The following CLNK variants were observed in gnomAD, a reference collection of about 807,000 sequenced individuals.
The protein encoded by CLNK is cytokine dependent hematopoietic cell linker.
A neutral mutation model predicts 68.6 loss-of-function variants in CLNK; 74 were observed. The observed-to-expected ratio is 1.08, with a 90% confidence interval of 0.89 to 1.31. CLNK has a LOEUF of 1.31. Among genes scored for constraint, CLNK ranks in the 50% most tolerant of loss-of-function variants. The pLI, the probability that CLNK is intolerant of heterozygous loss-of-function variation, is 0.00. For missense variants in CLNK, 553 were observed against 515.3 expected (o/e 1.07, Z -0.71); for synonymous variants, 198 against 172.2 (o/e 1.15, Z -1.17).
chr4:10,640,297 T>C (rs1301573565), intron 2 of CLNK, among the ~76,000 whole-genome samples: 3 of 152,190 alleles, frequency 2.0e-5, no homozygotes, highest in African/African-American at 7.2e-5. Flanking sequence ...CCCAAGTAGC[T>C]GGGATTATAG....
chr4:10,723,055 C>A, the CLNK span, among the ~76,000 whole-genome samples: 1 of 151,256 alleles, frequency 6.6e-6, no homozygotes, highest in South Asian at 2.1e-4. Flanking sequence ...AAAAAAAAAA[C>A]AACCCCTCTA....
intron 17 of CLNK, 62 bp from the exon 18 acceptor site, chr4:10,501,473 T>C: frequency 6.6e-7 from 1 of 1,517,564 alleles, no homozygotes; most frequent in Admixed American, 2.1e-5. Context: ...CTTGTAATGG[T>C]GGCAACAATG....
chr4:10,707,977 G>A, the CLNK span, among the ~76,000 whole-genome samples: 1 of 152,172 alleles, frequency 6.6e-6, no homozygotes, highest in Non-Finnish European at 1.5e-5. Flanking sequence ...TTCCTAGGGA[G>A]GAAATGATAC....
chr4:10,716,070 G>T, the CLNK span, among the ~76,000 whole-genome samples: 1 of 152,114 alleles, frequency 6.6e-6, no homozygotes, highest in African/African-American at 2.4e-5. Flanking sequence ...TTTAAAATTG[G>T]GATTTCTAAG....
intron 17 of CLNK, among the ~76,000 whole-genome samples, chr4:10,507,674 G>T (rs1717367072): frequency 6.6e-6 from 1 of 151,802 alleles, no homozygotes; most frequent in Non-Finnish European, 1.5e-5. Flanking sequence ...TAGAAACGGG[G>T]TTTCACCATG....
chr4:10,624,338 G>A, intron 2 of CLNK, among the ~76,000 whole-genome samples: 1 of 152,076 alleles, frequency 6.6e-6, no homozygotes, highest in Non-Finnish European at 1.5e-5. Flanking sequence ...ACGGAGTCTC[G>A]CTCTGCTGCC....
intron 1 of CLNK, among the ~76,000 whole-genome samples, chr4:10,683,327 C>T (rs1323130288): frequency 1.3e-5 from 2 of 152,178 alleles, no homozygotes; most frequent in Non-Finnish European, 2.9e-5. Context: ...AGATTATAAG[C>T]ACTGGCTTTC....
chr4:10,541,293 T>C (rs1249263461), intron 10 of CLNK, among the ~76,000 whole-genome samples: 1 of 151,958 alleles, frequency 6.6e-6, no homozygotes, highest in Non-Finnish European at 1.5e-5. Context: ...CACTCATATG[T>C]TATTCACCCA....
At chr4:10,631,979 C>T (rs1722911590) in intron 2 of CLNK, among the ~76,000 whole-genome samples, 1 of 152,176 alleles carries the variant, frequency 6.6e-6, no homozygotes, top group African/African-American at 2.4e-5. Context: ...TGCGCATTAC[C>T]TGATTTACAG....
upstream of CLNK, among the ~76,000 whole-genome samples, chr4:10,689,236 G>A (rs761023798): frequency 2.0e-5 from 3 of 151,832 alleles, no homozygotes; most frequent in Non-Finnish European, 4.4e-5. Context: ...CTGGGCTCAA[G>A]TGATTCTCCT....
At chr4:10,672,649 C>G (rs1577211660) in intron 1 of CLNK, among the ~76,000 whole-genome samples, 1 of 152,252 alleles carries the variant, frequency 6.6e-6, no homozygotes, top group East Asian at 1.9e-4. Context: ...CCCGCCTATG[C>G]TTTGGAATTA....
chr4:10,720,101 A>G, the CLNK span, among the ~76,000 whole-genome samples: 3 of 152,222 alleles, frequency 2.0e-5, no homozygotes, highest in African/African-American at 7.2e-5. Flanking sequence ...AATGTTAAAA[A>G]AATGAAGTCT....
intron 14 of CLNK, among the ~76,000 whole-genome samples, chr4:10,522,959 G>A (rs1378736457): frequency 6.6e-6 from 1 of 152,186 alleles, no homozygotes; most frequent in Non-Finnish European, 1.5e-5. Context: ...GAGGCAAGGA[G>A]CCATGGCCTT....
At chr4:10,586,549 A>T (rs1347404970) in intron 3 of CLNK, among the ~76,000 whole-genome samples, 1 of 151,674 alleles carries the variant, frequency 6.6e-6, no homozygotes, top group Non-Finnish European at 1.5e-5. Flanking sequence ...TCTTGACCTC[A>T]TGATCCACCC....
At chr4:10,551,990 G>A (rs1189066119) in intron 8 of CLNK, among the ~76,000 whole-genome samples, 1 of 151,926 alleles carries the variant, frequency 6.6e-6, no homozygotes, top group Non-Finnish European at 1.5e-5. Flanking sequence ...TGGGATTACA[G>A]GTGCGCGTCA....
chr4:10,686,487 C>T (rs766602296), upstream of CLNK, among the ~76,000 whole-genome samples: 2 of 151,594 alleles, frequency 1.3e-5, no homozygotes, highest in Non-Finnish European at 2.9e-5. Context: ...TCATGTCAGC[C>T]AGGTGCCTCT....
chr4:10,574,274 C>T (rs1720466681), intron 4 of CLNK, among the ~76,000 whole-genome samples: 1 of 152,186 alleles, frequency 6.6e-6, no homozygotes, highest in Non-Finnish European at 1.5e-5. Flanking sequence ...TTTTCAGCCT[C>T]TTCTCTCCTG....
chr4:10,655,588 G>T (rs990214455), intron 2 of CLNK, among the ~76,000 whole-genome samples: 1 of 149,360 alleles, frequency 6.7e-6, no homozygotes, highest in Admixed American at 6.7e-5. Flanking sequence ...ATAAAACTTG[G>T]TTTACGACAG....
intron 8 of CLNK, among the ~76,000 whole-genome samples, chr4:10,554,176 C>T (rs1442862514): frequency 6.6e-6 from 1 of 152,188 alleles, no homozygotes; most frequent in Admixed American, 6.5e-5. Flanking sequence ...CTGAAGAACC[C>T]CTCCATCCAG....
Sources: allele counts gnomAD v4.1 joint callset (sites outside exome capture counted in the v4.1 genomes callset), GRCh38; gene constraint gnomAD v4.1.1; transcripts MANE v1.5; gene names NCBI Gene and HGNC (gene_info 2026-07-23, HGNC 2026-07-21).